The following TASP1 variants were observed in gnomAD, a reference collection of about 807,000 sequenced individuals.
TASP1 encodes taspase 1, also known as threonine aspartase 1.
Under a neutral mutation model 56.6 loss-of-function variants are expected in TASP1, and 16 were observed. That is an observed-to-expected ratio of 0.28 (90% CI 0.19 to 0.43). TASP1 has a LOEUF of 0.43. Among genes scored for constraint, TASP1 ranks in the 20% least tolerant of loss-of-function variants. TASP1 has a pLI of 1.00. For synonymous variants in TASP1, 179 were observed against 184.2 expected, an observed-to-expected ratio of 0.97 and a Z score of 0.23; for missense variants, 393 against 511.6, an observed-to-expected ratio of 0.77 and a Z score of 2.24.
intron 12 of TASP1, among the ~76,000 whole-genome samples, chr20:13,427,612 CAAAGT>C (rs1263790877): frequency 6.6e-6 from 1 of 151,994 alleles, no homozygotes; most frequent in African/African-American, 2.4e-5. Context: ...GGGGTAAACA[CAAAGT>C]AAAGGAGGGA....
At chr20:13,316,379 T>G in the TASP1 span, among the ~76,000 whole-genome samples, 1 of 151,950 alleles carries the variant, frequency 6.6e-6, no homozygotes, top group Admixed American at 6.6e-5. Context: ...AAGAAATTAT[T>G]TCAATTCTCT....
At chr20:13,482,262 C>T (rs2043166089) in intron 11 of TASP1, among the ~76,000 whole-genome samples, 1 of 152,140 alleles carries the variant, frequency 6.6e-6, no homozygotes, top group East Asian at 1.9e-4. Flanking sequence ...ATATTCTGTT[C>T]CATTGGTCTA....
At chr20:13,394,622 G>C (rs867980515) in intron 13 of TASP1, among the ~76,000 whole-genome samples, 3 of 150,888 alleles carry the variant, frequency 2.0e-5, no homozygotes, top group Middle Eastern at 6.8e-3. Context: ...AAAAAAAAAA[G>C]AAACTTTGTT....
the TASP1 span, among the ~76,000 whole-genome samples, chr20:13,248,272 T>G: frequency 6.6e-6 from 1 of 152,200 alleles, no homozygotes. Context: ...ACAAGGGATC[T>G]GATATCCAGC....
the TASP1 span, among the ~76,000 whole-genome samples, chr20:13,127,333 C>A: frequency 6.6e-6 from 1 of 152,160 alleles, no homozygotes; most frequent in Non-Finnish European, 1.5e-5. Context: ...CAGATTCTAC[C>A]ACATGTCACA....
At chr20:13,462,969 C>A (rs536879264) in intron 11 of TASP1, among the ~76,000 whole-genome samples, 5 of 152,146 alleles carry the variant, frequency 3.3e-5, no homozygotes, top group African/African-American at 1.2e-4. Context: ...AGATTTAATG[C>A]CATCTCTATC....
the TASP1 span, among the ~76,000 whole-genome samples, chr20:13,214,636 G>A: frequency 2.6e-5 from 4 of 151,720 alleles, no homozygotes; most frequent in Non-Finnish European, 4.4e-5. Context: ...AAGGAGGCAT[G>A]TAAAGCTTAT....
intron 3 of TASP1, among the ~76,000 whole-genome samples, chr20:13,623,978 A>C (rs1230358648): frequency 2.6e-5 from 4 of 152,210 alleles, no homozygotes; most frequent in African/African-American, 9.6e-5. Flanking sequence ...ATAAAAGCAT[A>C]CATTTGACAA....
chr20:13,528,317 C>G (rs552209662), intron 10 of TASP1, 116 bp downstream of exon 10: 1 of 729,228 alleles, frequency 1.4e-6, no homozygotes, highest in Admixed American at 3.1e-5. Context: ...AGATCTTTCC[C>G]ACATCCATAC....
the TASP1 span, among the ~76,000 whole-genome samples, chr20:13,341,459 C>G: frequency 6.6e-6 from 1 of 152,106 alleles, no homozygotes; most frequent in African/African-American, 2.4e-5. Context: ...GGATTCAGCC[C>G]TCTTTTCCGT....
the TASP1 span, among the ~76,000 whole-genome samples, chr20:13,224,991 GCC>G: frequency 6.6e-6 from 1 of 150,662 alleles, no homozygotes; most frequent in Admixed American, 6.6e-5. Context: ...GACTACAGGC[GCC>G]TGCCACCACG....
At chr20:13,270,867 A>G in the TASP1 span, 1 of 867,512 alleles carries the variant, frequency 1.2e-6, no homozygotes, top group Non-Finnish European at 1.8e-6. Flanking sequence ...ATTCCTGCTT[A>G]AGATCATGTT....
chr20:13,570,829 C>T (rs1013606421), intron 6 of TASP1, among the ~76,000 whole-genome samples: 2 of 152,192 alleles, frequency 1.3e-5, no homozygotes, highest in South Asian at 4.1e-4. Context: ...GAAATAGGAG[C>T]TTGGACGCAA....
At chr20:13,266,101 C>G in the TASP1 span, among the ~76,000 whole-genome samples, 1 of 152,194 alleles carries the variant, frequency 6.6e-6, no homozygotes, top group Non-Finnish European at 1.5e-5. Flanking sequence ...ACTTACTCCT[C>G]ATGGGGCAGA....
chr20:13,293,173 A>C, the TASP1 span, among the ~76,000 whole-genome samples: 7 of 148,232 alleles, frequency 4.7e-5, no homozygotes, highest in Non-Finnish European at 8.9e-5. Context: ...GCACTCCAGC[A>C]CTCCAGCCTG....
At chr20:13,556,042 G>A (rs1326542125) in intron 8 of TASP1, among the ~76,000 whole-genome samples, 1 of 152,080 alleles carries the variant, frequency 6.6e-6, no homozygotes, top group East Asian at 1.9e-4. Flanking sequence ...TGGTCAATCT[G>A]AGCCCATTAA....
At chr20:13,286,063 CT>C in the TASP1 span, among the ~76,000 whole-genome samples, 1 of 152,210 alleles carries the variant, frequency 6.6e-6, no homozygotes, top group Non-Finnish European at 1.5e-5. Context: ...AATAAGATTT[CT>C]TCTGACTTAC....
In TASP1 at chr20:13,580,947, G is replaced by C. The variant is rs1159986745; in HGVS notation, c.438C>G (p.Leu146=). 1 of 1,609,972 alleles carries C rather than the reference G, an allele frequency of 6.2e-7. No homozygotes were observed. Among genetic ancestry groups the C allele is most frequent in the Non-Finnish European group, 8.5e-7 (1 of 1,178,686 alleles). ...GCTTGCCCTTCTGCCCTTCACATAA[G>C]AGTCTGTTGGCAACCGAGACTGGGT... ...IKNPVSVANR[L]LCEGQKGKLS... is the part of the protein sequence containing the mutation. Residue 146 remains leucine, a synonymous_variant, in exon 6 of 14, where the codon CTC becomes CTG. Coordinates refer to ENST00000337743, the MANE Select transcript of TASP1 (RefSeq NM_017714.3).
At chr20:13,624,412 T>G (rs1304697726) in intron 3 of TASP1, among the ~76,000 whole-genome samples, 1 of 152,102 alleles carries the variant, frequency 6.6e-6, no homozygotes, top group East Asian at 1.9e-4. Context: ...ACAAAATCCC[T>G]GTAACAAAAT....
Sources: allele counts gnomAD v4.1 joint callset (sites outside exome capture counted in the v4.1 genomes callset), GRCh38; gene constraint gnomAD v4.1.1; transcripts MANE v1.5; gene names NCBI Gene and HGNC (gene_info 2026-07-23, HGNC 2026-07-21).